MYPN: variants seen among roughly 807,000 people sequenced by gnomAD.
MYPN encodes sarcomeric protein myopalladin, 145 kDa (MYOP).
A neutral mutation model predicts 129.4 loss-of-function variants in MYPN; 63 were observed. The ratio of observed to expected loss-of-function variants is 0.49; its 90% CI spans 0.40 to 0.60. The LOEUF (loss-of-function observed/expected upper bound fraction) is 0.60. Ranked by LOEUF, MYPN falls within the 20% of genes least tolerant of loss-of-function variation. MYPN has a pLI of 0.00. For synonymous variants in MYPN, 629 were observed against 600.9 expected, an observed-to-expected ratio of 1.05 and a Z score of -0.68; for missense variants, 1,596 against 1,635.4, an observed-to-expected ratio of 0.98 and a Z score of 0.42.
At chr10:68,101,801 T>C (rs1191688050), upstream of MYPN, among the ~76,000 whole-genome samples, 1 of 152,198 alleles carries the variant, frequency 6.6e-6, no homozygotes, top group Non-Finnish European at 1.5e-5. Flanking sequence ...TTTTTGTTTC[T>C]GTTCCTGATT....
At chr10:68,173,016 T>G (rs943967567) in intron 10 of MYPN, among the ~76,000 whole-genome samples, 1 of 152,108 alleles carries the variant, frequency 6.6e-6, no homozygotes, top group African/African-American at 2.4e-5. Flanking sequence ...GAGGTTGCAG[T>G]GAGCCAAGAT....
chr10:68,094,363 C>T (rs1179738480), intron 1 of MYPN, among the ~76,000 whole-genome samples: 1 of 151,804 alleles, frequency 6.6e-6, no homozygotes, highest in Non-Finnish European at 1.5e-5. Flanking sequence ...CTCCCAGGTT[C>T]AAGCGATTCT....
At chr10:68,169,007 A>T (rs945982835) in intron 10 of MYPN, among the ~76,000 whole-genome samples, 1 of 101,120 alleles carries the variant, frequency 9.9e-6, no homozygotes, top group African/African-American at 3.5e-5. Flanking sequence ...AAAAAAAAAA[A>T]AAAAAAAAAA....
chr10:68,102,577 G>T (rs1231287205), upstream of MYPN, among the ~76,000 whole-genome samples: 1 of 152,016 alleles, frequency 6.6e-6, no homozygotes, highest in Non-Finnish European at 1.5e-5. Context: ...AATATTCTAG[G>T]TTCAAATTTC....
chr10:68,129,122 T>C (rs1411937845), intron 2 of MYPN, among the ~76,000 whole-genome samples: 1 of 152,052 alleles, frequency 6.6e-6, no homozygotes, highest in East Asian at 1.9e-4. Flanking sequence ...TGCGACTTGA[T>C]GGACAGGCAA....
chr10:68,112,359 A>G (rs73265258), intron 1 of MYPN, among the ~76,000 whole-genome samples: 2,864 of 152,296 alleles, frequency 0.019, 94 homozygotes, highest in African/African-American at 0.065. Context: ...TGGATACAAA[A>G]ACATACATAA....
intron 2 of MYPN, among the ~76,000 whole-genome samples, chr10:68,142,460 C>T (rs1413427079): frequency 6.6e-6 from 1 of 152,180 alleles, no homozygotes; most frequent in African/African-American, 2.4e-5. Flanking sequence ...CTCCTCCTTA[C>T]TCTGATGGCT....
At chr10:68,194,849 C>T (rs118082848) in intron 14 of MYPN, among the ~76,000 whole-genome samples, 2 of 152,254 alleles carry the variant, frequency 1.3e-5, no homozygotes, top group East Asian at 3.9e-4. Context: ...CTATCAAGAA[C>T]GATCTGTCAT....
At chr10:68,126,288 T>A (rs2042325096) in intron 2 of MYPN, among the ~76,000 whole-genome samples, 1 of 152,174 alleles carries the variant, frequency 6.6e-6, no homozygotes, top group African/African-American at 2.4e-5. Context: ...ATATTTTTTA[T>A]ATAGCAGAGA....
rs370344201 is a variant in MYPN, at chr10:68,178,605, C to T, written c.2703+3144C>T. ...GTGGGTGCCTGTAGTCCCAACTACT[C>T]GGGAGGCTGAAGCAGGAGAATCACT... On this transcript the variant is annotated intron_variant, in intron 12 of 19. Coordinates refer to ENST00000358913, the MANE Select transcript of MYPN (RefSeq NM_032578.4). 5.3e-5 allele frequency among the ~76,000 whole-genome samples: 8 copies of T among 150,276 alleles called. No individual in the cohort carries two copies. In the East Asian group the frequency reaches 1.2e-3, roughly 22 times the overall value.
intron 12 of MYPN, among the ~76,000 whole-genome samples, chr10:68,178,618 C>A (rs1156587701): frequency 6.7e-6 from 1 of 149,472 alleles, no homozygotes. Context: ...GAGGCTGAAG[C>A]AGGAGAATCA....
chr10:68,123,728 T>TAA (rs2042286267), intron 2 of MYPN, among the ~76,000 whole-genome samples: 1 of 145,304 alleles, frequency 6.9e-6, no homozygotes, highest in African/African-American at 2.6e-5. Context: ...TAAATAAGTA[T>TAA]AATTAAAAAT....
chr10:68,165,401 G>A (rs912348222), intron 8 of MYPN: 25 of 468,104 alleles, frequency 5.3e-5, no homozygotes, highest in African/African-American at 4.4e-4. Context: ...GCAGTGAGCC[G>A]AGATCTTGCC....
Position 68,210,802 on chromosome 10 carries a change from A to T in MYPN, c.*347A>T, listed in dbSNP as rs1456334099. 1 of 469,350 alleles carries T rather than the reference A, an allele frequency of 2.1e-6. No individual in the cohort carries two copies. Among genetic ancestry groups the T allele is most frequent in the East Asian group, 6.5e-5 (1 of 15,394 alleles). 29.1% of individuals were successfully genotyped at this position (469,350 alleles called of 1,614,324 possible). A position where few individuals can be genotyped will look rare whatever the true frequency, so the allele number is the denominator to read the frequency against. On this transcript the variant is annotated 3_prime_UTR_variant, in exon 20 of 20. Transcript: ENST00000358913. ...GTCATACTAGGAGCAATTAGGAGCC[A>T]TATGCCTGGGCTGAGAAGAGCTAGG...
chr10:68,174,504 A>G lies in MYPN; in HGVS notation c.2412A>G (p.Gly804=), dbSNP rs1267979885. ...PPPFTFSIPS[G]NQFQPRCVSP... The stretch of plus-strand genomic sequence containing the variant: ...CATTCACATTTTCCATCCCCAGCGG[A>G]AACCAGTTTCAGCCCCGCTGTGTGT... Residue 804 remains glycine, a synonymous_variant, in exon 11 of 20, where the codon GGA becomes GGG. Coordinates refer to ENST00000358913, the MANE Select transcript of MYPN (RefSeq NM_032578.4). 6.2e-7 allele frequency: 1 copy of G among 1,613,950 alleles called. No homozygotes were observed. The highest frequency in any genetic ancestry group is 1.3e-5 in the African/African-American group (1 of 74,902).
intron 12 of MYPN, among the ~76,000 whole-genome samples, chr10:68,182,226 CAT>C (rs1206445549): frequency 2.4e-5 from 2 of 83,368 alleles, no homozygotes; most frequent in African/African-American, 4.3e-5. Flanking sequence ...ATATATAACA[CAT>C]ATATATATAA....
chr10:68,118,284 TG>T (rs1322322943), intron 1 of MYPN, among the ~76,000 whole-genome samples: 1 of 152,206 alleles, frequency 6.6e-6, no homozygotes, highest in African/African-American at 2.4e-5. Flanking sequence ...CCCATTATAG[TG>T]GCAAGCCCTA....
chr10:68,126,213 G>A (rs1484415984), intron 2 of MYPN, among the ~76,000 whole-genome samples: 1 of 152,100 alleles, frequency 6.6e-6, no homozygotes, highest in African/African-American at 2.4e-5. Flanking sequence ...TGGAAGGAAT[G>A]GGTCCTTTCA....
intron 1 of MYPN, among the ~76,000 whole-genome samples, chr10:68,092,901 TAGAGCTGGGGCTCGAACCTGC>T: frequency 6.6e-6 from 1 of 152,310 alleles, no homozygotes; most frequent in East Asian, 1.9e-4. Flanking sequence ...TAGTGAGAGA[TAGAGCTGGGGCTCGAACCTGC>T]TTGTTTTCTT....
Sources: allele counts gnomAD v4.1 joint callset (sites outside exome capture counted in the v4.1 genomes callset), GRCh38; gene constraint gnomAD v4.1.1; transcripts MANE v1.5; gene names NCBI Gene and HGNC (gene_info 2026-07-23, HGNC 2026-07-21).